Variants in DLG2 observed in about 807,000 individuals in gnomAD.
The protein encoded by DLG2 is discs large MAGUK scaffold protein 2, also known as disks large homolog 2.
A neutral mutation model predicts 132.5 loss-of-function variants in DLG2; 45 were observed. The observed-to-expected ratio is 0.34, with a 90% CI of 0.27 to 0.44. The LOEUF (loss-of-function observed/expected upper bound fraction) is 0.44, where lower values mean the gene tolerates loss of function less well. DLG2 is among the 20% of genes least tolerant of loss of function. DLG2 has a pLI of 1.00. For synonymous variants in DLG2, 424 were observed against 419.6 expected, an observed-to-expected ratio of 1.01 and a Z score of -0.13; for missense variants, 1,045 against 1,196.9, an observed-to-expected ratio of 0.87 and a Z score of 1.87.
chr11:84,632,259 C>CTTT (rs564941255), intron 6 of DLG2, among the ~76,000 whole-genome samples: 3 of 146,990 alleles, frequency 2.0e-5, no homozygotes, highest in South Asian at 2.1e-4. Flanking sequence ...TTCAGTCTTG[C>CTTT]TTTTTTTTTT....
chr11:85,533,123 A>C (rs1220286099), intron 3 of DLG2, among the ~76,000 whole-genome samples: 1 of 152,146 alleles, frequency 6.6e-6, no homozygotes, highest in Non-Finnish European at 1.5e-5. Flanking sequence ...TCCCGGGTTC[A>C]AGCAATTCCC....
intron 19 of DLG2, among the ~76,000 whole-genome samples, chr11:83,616,841 A>ATAGTGTGTGGTTGTAT (rs2060894831): frequency 1.3e-5 from 2 of 152,198 alleles, no homozygotes; most frequent in African/African-American, 4.8e-5. Flanking sequence ...AGGTTGGGTC[A>ATAGTGTGTGGTTGTAT]AGAGCCATTT....
chr11:84,342,015 A>G (rs76820997), intron 7 of DLG2, among the ~76,000 whole-genome samples: 3 of 152,244 alleles, frequency 2.0e-5, no homozygotes, highest in Non-Finnish European at 4.4e-5. Context: ...TATCCATTCT[A>G]CCAAATTCTA....
chr11:84,940,996 A>G (rs186559788), intron 6 of DLG2, among the ~76,000 whole-genome samples: 27 of 152,182 alleles, frequency 1.8e-4, no homozygotes, highest in African/African-American at 6.3e-4. Context: ...CCTTTCCCCA[A>G]TGTATGTTCT....
intron 3 of DLG2, among the ~76,000 whole-genome samples, chr11:85,524,649 C>T (rs2074600265): frequency 6.6e-6 from 1 of 152,064 alleles, no homozygotes; most frequent in South Asian, 2.1e-4. Flanking sequence ...CGCACTGCCA[C>T]ATTCGACTAA....
intron 5 of DLG2, among the ~76,000 whole-genome samples, chr11:85,125,446 T>C (rs990198276): frequency 1.5e-4 from 23 of 152,216 alleles, no homozygotes; most frequent in Admixed American, 6.5e-4. Flanking sequence ...TTACAGACTA[T>C]GGATATATGT....
At chr11:85,144,569 C>T (rs2076718984) in intron 5 of DLG2, among the ~76,000 whole-genome samples, 1 of 151,394 alleles carries the variant, frequency 6.6e-6, no homozygotes, top group Non-Finnish European at 1.5e-5. Context: ...CTTGCTTTTA[C>T]TTTTCTGTGT....
chr11:83,965,534 A>G lies in DLG2; in HGVS notation c.1057-66T>C. On this transcript the variant is annotated intron_variant, in intron 12 of 27. Coordinates refer to ENST00000376104, the MANE Select transcript of DLG2 (RefSeq NM_001142699.3). ...GGAGCAGAAGAAAAATATTCAGGCA[A>G]GAAGATACCTGGAATTATAAATTGT... is the stretch of plus-strand genomic sequence containing the variant. The G allele has an allele frequency of 2.3e-6, 3 of 1,299,544 alleles. No homozygotes were observed. The South Asian group carries it at 4.2e-5, about 18-fold the overall frequency. 80.5% of individuals were successfully genotyped at this position (1,299,544 alleles called of 1,614,324 possible).
chr11:84,384,521 T>A (rs1015085745), intron 7 of DLG2, among the ~76,000 whole-genome samples: 1 of 152,032 alleles, frequency 6.6e-6, no homozygotes, highest in African/African-American at 2.4e-5. Context: ...AGAATGATAA[T>A]AAAAGGAATT....
chr11:85,220,188 T>C (rs909486821), intron 4 of DLG2, among the ~76,000 whole-genome samples: 5 of 151,920 alleles, frequency 3.3e-5, no homozygotes. Context: ...ATATCAAATT[T>C]TGGTAACTTC....
At chr11:83,652,474 G>A (rs1178543610) in intron 18 of DLG2, among the ~76,000 whole-genome samples, 5 of 152,074 alleles carry the variant, frequency 3.3e-5, no homozygotes, top group African/African-American at 4.8e-5. Flanking sequence ...GGGTTCAAGC[G>A]TTTCTCCCAC....
chr11:84,531,127 G>GA (rs1003727754), intron 7 of DLG2, among the ~76,000 whole-genome samples: 2 of 151,566 alleles, frequency 1.3e-5, no homozygotes, highest in African/African-American at 4.8e-5. Context: ...AAAAAGAAAA[G>GA]AAAAAAAAGA....
chr11:83,552,169 A>C (rs541621687), intron 19 of DLG2, among the ~76,000 whole-genome samples: 38 of 152,290 alleles, frequency 2.5e-4, no homozygotes, highest in Non-Finnish European at 4.4e-4. Context: ...TTAGGAGTTG[A>C]TTGTTGCTAT....
chr11:83,485,409 T>TATCA (rs1250799924), intron 21 of DLG2, among the ~76,000 whole-genome samples: 2 of 152,174 alleles, frequency 1.3e-5, no homozygotes, highest in Admixed American at 6.5e-5. Flanking sequence ...CATATTCATA[T>TATCA]ATCATTAAAA....
intron 5 of DLG2, among the ~76,000 whole-genome samples, chr11:85,125,601 CTT>C (rs1001226456): frequency 1.1e-4 from 16 of 152,006 alleles, no homozygotes; most frequent in African/African-American, 3.9e-4. Flanking sequence ...TAAATAATAA[CTT>C]TGTTGTGATT....
At chr11:85,536,569 G>T (rs1010067632) in intron 3 of DLG2, among the ~76,000 whole-genome samples, 1 of 152,250 alleles carries the variant, frequency 6.6e-6, no homozygotes, top group Non-Finnish European at 1.5e-5. Flanking sequence ...GCCCCTCTCT[G>T]GGGCTGGTTG....
chr11:85,168,348 C>T (rs538253726), intron 4 of DLG2, among the ~76,000 whole-genome samples: 72 of 152,128 alleles, frequency 4.7e-4, no homozygotes, highest in African/African-American at 1.5e-3. Context: ...TATGCCAGTC[C>T]TTTAAGAAAT....
At chr11:84,364,210 T>C (rs974322878) in intron 7 of DLG2, among the ~76,000 whole-genome samples, 17 of 151,966 alleles carry the variant, frequency 1.1e-4, no homozygotes, top group Non-Finnish European at 2.4e-4. Context: ...TAGTTCTCCT[T>C]GAAGAGGTCC....
At chr11:83,939,374 C>G (rs946291971) in intron 14 of DLG2, among the ~76,000 whole-genome samples, 2 of 152,102 alleles carry the variant, frequency 1.3e-5, no homozygotes, top group African/African-American at 2.4e-5. Flanking sequence ...GTTGAGTATA[C>G]TCCCCACATC....
Sources: gnomAD v4.1 joint callset for allele counts (sites outside exome capture counted in the v4.1 genomes callset) on GRCh38, gnomAD v4.1.1 for gene constraint, MANE v1.5 for transcripts, NCBI Gene and HGNC (gene_info 2026-07-23, HGNC 2026-07-21) for gene names.